ZNF578: variants seen among roughly 807,000 people sequenced by gnomAD.
ZNF578 encodes the protein Putative chemokine-related protein B42.
In ZNF578, 8 loss-of-function variants were observed where a neutral mutation model predicts 8.3. The ratio of observed to expected loss-of-function variants is 0.96; its 90% CI spans 0.56 to 1.74. ZNF578 has a LOEUF of 1.74. Among genes scored for constraint, ZNF578 ranks in the 40% most tolerant of loss-of-function variants. The pLI, the probability that ZNF578 is intolerant of heterozygous loss-of-function variation, is 0.00. For missense variants in ZNF578, 726 were observed against 707.5 expected, an observed-to-expected ratio of 1.03 and a Z score of -0.30; for synonymous variants, 206 against 232.2, an observed-to-expected ratio of 0.89 and a Z score of 1.03.
At chr19:52,485,827 CTG>C (rs1223847087) in intron 2 of ZNF578, among the ~76,000 whole-genome samples, 6 of 152,170 alleles carry the variant, frequency 3.9e-5, no homozygotes, top group Admixed American at 6.5e-5. Context: ...ACACAAAACA[CTG>C]TGGAAGGCTG....
chr19:52,496,325 G>GTTATTTATTGATTTATTTAT, intron 3 of ZNF578, among the ~76,000 whole-genome samples: 1 of 146,218 alleles, frequency 6.8e-6, no homozygotes, highest in South Asian at 2.2e-4. Context: ...CTCATTTGTT[G>GTTATTTATTGATTTATTTAT]TTATTTATTT....
Position 52,513,312 on chromosome 19 carries a change from G to A in ZNF578, c.*1158G>A, listed in dbSNP as rs1004956811. On this transcript the variant is annotated 3_prime_UTR_variant, in exon 6 of 6. Transcript: ENST00000421239. ...GATGAGATTACAGGCATATGCCACC[G>A]CGCCTGGCATTGTTTCTTCTTTTCC... Among the ~76,000 whole-genome samples, 1 of 148,234 alleles carries A rather than the reference G, an allele frequency of 6.7e-6. No individual in the cohort carries two copies. Among genetic ancestry groups the A allele is most frequent in the Non-Finnish European group, 1.5e-5 (1 of 67,498 alleles).
intron 2 of ZNF578, among the ~76,000 whole-genome samples, chr19:52,461,896 G>T (rs74948833): frequency 1.9e-3 from 284 of 152,268 alleles, no homozygotes; most frequent in African/African-American, 6.4e-3. Context: ...TGGTCCGGCT[G>T]TACCAAAATT....
At chr19:52,475,445 C>T (rs948869623) in intron 2 of ZNF578, among the ~76,000 whole-genome samples, 2 of 151,700 alleles carry the variant, frequency 1.3e-5, no homozygotes, top group African/African-American at 4.8e-5. Flanking sequence ...CAACCTCCAC[C>T]TCCTGGGTTC....
intron 2 of ZNF578, chr19:52,474,221 C>T (rs1363258767): frequency 5.2e-5 from 16 of 307,782 alleles, no homozygotes; most frequent in South Asian, 3.9e-4. Context: ...TGCTTTGCCA[C>T]ATTCAATATA....
intron 2 of ZNF578, among the ~76,000 whole-genome samples, chr19:52,481,200 G>A (rs960586548): frequency 3.3e-5 from 5 of 152,010 alleles, no homozygotes; most frequent in Non-Finnish European, 5.9e-5. Context: ...TATCGGCTGC[G>A]GCAGACTCCT....
Position 52,501,719 on chromosome 19 carries a change from G to C in ZNF578, c.-19-108G>C, listed in dbSNP as rs1024718952. ...CATGATCTCTGGTGCAGTGGGCAGT[G>C]GGGGGGGCTTCTTTGTACAGGGTGA... On this transcript the variant is annotated intron_variant, in intron 3 of 5. Transcript: ENST00000421239. The C allele has an allele frequency of 5.9e-5, 64 of 1,083,788 alleles. No individual in the cohort carries two copies. The Middle Eastern group carries it at 3.3e-3, about 56-fold the overall frequency. The allele number at this position is 1,083,788 out of a possible 1,614,324, so 67.1% of individuals were successfully genotyped here.
intron 3 of ZNF578, among the ~76,000 whole-genome samples, chr19:52,493,876 G>A (rs563258499): frequency 6.6e-6 from 1 of 152,116 alleles, no homozygotes. Flanking sequence ...TGTAACGCCA[G>A]CTATTAGGGA....
Position 52,503,842 on chromosome 19 carries a change from G to A in ZNF578, c.64-813G>A, listed in dbSNP as rs1037194649. ...GAGATGGAGTCTTGCTCTGTTGCCA[G>A]GCTAAAGTGCAGTGGTGCAATCTCA... On this transcript the variant is annotated intron_variant, in intron 4 of 5. Transcript: ENST00000421239. 4.2e-5 allele frequency among the ~76,000 whole-genome samples: 6 copies of A among 141,908 alleles called. No individual in the cohort carries two copies. The East Asian group carries it at 8.0e-4, about 19-fold the overall frequency. 93.1% of individuals were successfully genotyped at this position (141,908 alleles called of 152,430 possible). A position where few individuals can be genotyped will look rare whatever the true frequency, so the allele number is the denominator to read the frequency against.
At chr19:52,484,989 T>C (rs2059339904) in intron 2 of ZNF578, among the ~76,000 whole-genome samples, 1 of 144,814 alleles carries the variant, frequency 6.9e-6, no homozygotes, top group Non-Finnish European at 1.5e-5. Context: ...ACAGACTTTG[T>C]GTGAGCAACA....
rs200620906 is a variant in ZNF578, at chr19:52,511,149, A to C, written c.768A>C (p.Glu256Asp). ...AACATCAGATAATCCATTTAGGAGAAAAACAATATAAATTTGATATATGTG... is the reference window on the plus strand; with the variant it reads ...AACATCAGATAATCCATTTAGGAGACAAACAATATAAATTTGATATATGTG... ...VRKHQIIHLGEKQYKFDICGK... is the reference protein window; with the variant it reads ...VRKHQIIHLGDKQYKFDICGK... Residue 256 changes from glutamate (E) to aspartate (D), a missense_variant, in exon 6 of 6, where the codon GAA becomes GAC. Glu to Asp is a conservative substitution (Grantham distance 45). Coordinates refer to ENST00000421239, the MANE Select transcript of ZNF578 (RefSeq NM_001099694.2). The C allele has an allele frequency of 2.5e-6, 4 of 1,614,208 alleles. No individual in the cohort carries two copies. The highest frequency in any genetic ancestry group is 3.4e-6 in the Non-Finnish European group (4 of 1,179,996).
intron 4 of ZNF578, among the ~76,000 whole-genome samples, chr19:52,502,312 A>G (rs563283470): frequency 6.6e-6 from 1 of 152,342 alleles, no homozygotes; most frequent in African/African-American, 2.4e-5. Context: ...TAATGTGCCC[A>G]GGTATGTGGC....
intron 2 of ZNF578, among the ~76,000 whole-genome samples, chr19:52,476,974 G>C (rs1179352526): frequency 6.6e-6 from 1 of 152,142 alleles, no homozygotes; most frequent in Non-Finnish European, 1.5e-5. Context: ...TCTTTTCATG[G>C]AGAAGGGTGT....
rs755879046 is a variant in ZNF578 at position 52,513,055 on chromosome 19, T to C, written c.*901T>C. On this transcript the variant is annotated 3_prime_UTR_variant, in exon 6 of 6. Transcript: ENST00000421239. ...TATTTTTTGAGATGGAGTGTTGCTC[T>C]TGCTGCCCAGGCTAGAGTGCAATGG... is the stretch of plus-strand genomic sequence containing the variant. Among the ~76,000 whole-genome samples, 1 of 152,106 alleles carries C rather than the reference T, an allele frequency of 6.6e-6. No individual in the cohort carries two copies. The highest frequency in any genetic ancestry group is 2.4e-5 in the African/African-American group (1 of 41,426).
rs1037809489 is a variant in ZNF578 at position 52,506,314 on chromosome 19, T to G, written c.190+1533T>G. ...GGTTGGTTTTTTCTCTTTACTATTATGAACAATACTACCAGGCTGGGTGCG... is the reference window on the plus strand; with the variant it reads ...GGTTGGTTTTTTCTCTTTACTATTAGGAACAATACTACCAGGCTGGGTGCG... On this transcript the variant is annotated intron_variant, in intron 5 of 5. Coordinates refer to ENST00000421239, the MANE Select transcript of ZNF578 (RefSeq NM_001099694.2). 1.6e-4 allele frequency among the ~76,000 whole-genome samples: 25 copies of G among 152,166 alleles called. 1 individual carries two copies. Among genetic ancestry groups the G allele is most frequent in the Non-Finnish European group, 3.1e-4 (21 of 68,044 alleles).
Position 52,510,705 on chromosome 19 carries a change from A to G in ZNF578, c.324A>G (p.Lys108=). Residue 108 remains lysine, a synonymous_variant, in exon 6 of 6, where the codon AAA becomes AAG. Coordinates refer to ENST00000421239, the MANE Select transcript of ZNF578 (RefSeq NM_001099694.2). ...ATTTTTGCTTCCAGGAAATTGAAAA[A>G]GATATTCATGACTTTGAGTTTCAGT... ...TGDFCFQEIE[K]DIHDFEFQSQ... The G allele has an allele frequency of 6.2e-7, 1 of 1,613,010 alleles. No individual in the cohort carries two copies.
At chr19:52,487,338 G>A (rs2059349216) in intron 2 of ZNF578, among the ~76,000 whole-genome samples, 1 of 152,178 alleles carries the variant, frequency 6.6e-6, no homozygotes, top group South Asian at 2.1e-4. Context: ...GTTTAGATGA[G>A]TGGGTGAGTT....
At chr19:52,481,381 G>A (rs2122842401) in intron 2 of ZNF578, among the ~76,000 whole-genome samples, 1 of 152,338 alleles carries the variant, frequency 6.6e-6, no homozygotes, top group Non-Finnish European at 1.5e-5. Context: ...TTTGGAAGAA[G>A]TGGTCAGGGG....
intron 3 of ZNF578, among the ~76,000 whole-genome samples, chr19:52,494,924 T>A (rs2059380411): frequency 6.6e-6 from 1 of 152,118 alleles, no homozygotes; most frequent in African/African-American, 2.4e-5. Context: ...CTCGACCTCC[T>A]AGGCTCAAGC....
Sources: allele counts gnomAD v4.1 joint callset (sites outside exome capture counted in the v4.1 genomes callset), GRCh38; gene constraint gnomAD v4.1.1; transcripts MANE v1.5; gene names NCBI Gene and HGNC (gene_info 2026-07-23, HGNC 2026-07-21).